Variants in ADGRL3 observed in about 807,000 individuals in gnomAD.
ADGRL3 encodes the protein adhesion G protein-coupled receptor L3.
Under a neutral mutation model 153.5 loss-of-function variants are expected in ADGRL3, and 62 were observed. The ratio of observed to expected loss-of-function variants is 0.40; its 90% CI spans 0.33 to 0.50. The LOEUF (loss-of-function observed/expected upper bound fraction) is 0.50, where lower values mean the gene tolerates loss of function less well. ADGRL3 is among the 20% of genes least tolerant of loss of function. The pLI is 0.47. For missense variants in ADGRL3, 1,641 were observed against 1,859.4 expected (o/e 0.88, Z 2.16); for synonymous variants, 710 against 672.5 (o/e 1.06, Z -0.86).
At chr4:61,594,640 CT>C (rs2098981887) in intron 5 of ADGRL3, among the ~76,000 whole-genome samples, 1 of 152,152 alleles carries the variant, frequency 6.6e-6, no homozygotes, top group Admixed American at 6.5e-5. Flanking sequence ...TGCTGAGCCA[CT>C]TGGAACAGGG....
At position 61,653,008 on chromosome 4, in the gene ADGRL3, A is replaced by G. The variant is rs116225997; in HGVS notation, c.474-23818A>G. ...TGATATGTTGAAACACTAAACCCCA[A>G]TGTAACTGTTTTGGATGAAATGAGT... On this transcript the variant is annotated intron_variant, in intron 5 of 26. Transcript: ENST00000683033. 5.2e-3 allele frequency among the ~76,000 whole-genome samples: 797 copies of G among 151,992 alleles called. 4 individuals are homozygous for G. Among genetic ancestry groups the G allele is most frequent in the South Asian group, 0.016 (76 of 4,802 alleles).
chr4:61,953,947 A>G lies in ADGRL3; in HGVS notation c.2805+5671A>G, dbSNP rs375629203. ...TAGCATATTTTACTGTTTTCTCCTC[A>G]TCTGCTTGACCTCTCATTGTCATTC... On this transcript the variant is annotated intron_variant, in intron 17 of 26. Coordinates refer to ENST00000683033, the MANE Select transcript of ADGRL3 (RefSeq NM_001387552.1). Among the ~76,000 whole-genome samples, 180 of 152,058 alleles carry G rather than the reference A, an allele frequency of 1.2e-3. 1 individual carries two copies. Among genetic ancestry groups the G allele is most frequent in the African/African-American group, 4.2e-3 (174 of 41,472 alleles).
At chr4:61,413,824 T>G (rs145813090) in intron 2 of ADGRL3, among the ~76,000 whole-genome samples, 1 of 152,302 alleles carries the variant, frequency 6.6e-6, no homozygotes, top group Non-Finnish European at 1.5e-5. Context: ...GTTCCATGAA[T>G]CCACATTGTT....
At chr4:61,765,087 G>A (rs1212878951) in intron 8 of ADGRL3, among the ~76,000 whole-genome samples, 1 of 152,110 alleles carries the variant, frequency 6.6e-6, no homozygotes, top group Admixed American at 6.5e-5. Context: ...TGCCAGCAAA[G>A]ATTATGTATT....
chr4:61,691,621 G>T (rs1179056656), intron 6 of ADGRL3, among the ~76,000 whole-genome samples: 2 of 152,104 alleles, frequency 1.3e-5, no homozygotes, highest in Non-Finnish European at 2.9e-5. Flanking sequence ...CACAAGTAGT[G>T]CTTGATAAAA....
At chr4:61,434,098 G>A (rs1354710636) in intron 2 of ADGRL3, among the ~76,000 whole-genome samples, 1 of 152,116 alleles carries the variant, frequency 6.6e-6, no homozygotes, top group Non-Finnish European at 1.5e-5. Flanking sequence ...GTTAAGGGTA[G>A]CAATTAGTTC....
intron 1 of ADGRL3, among the ~76,000 whole-genome samples, chr4:61,352,364 G>T (rs187904507): frequency 5.9e-5 from 9 of 151,522 alleles, no homozygotes; most frequent in Admixed American, 2.0e-4. Flanking sequence ...AAATGCTATT[G>T]TACACTGAAT....
chr4:61,478,794 A>T (rs1302760209), intron 2 of ADGRL3, among the ~76,000 whole-genome samples: 1 of 152,068 alleles, frequency 6.6e-6, no homozygotes, highest in African/African-American at 2.4e-5. Flanking sequence ...TATCAAAAAA[A>T]TTTTTAGGTA....
At chr4:61,208,979 T>A (rs1333615421) in intron 1 of ADGRL3, among the ~76,000 whole-genome samples, 1 of 152,114 alleles carries the variant, frequency 6.6e-6, no homozygotes, top group Non-Finnish European at 1.5e-5. Context: ...CTTTACTAGA[T>A]ACTAAAGTTT....
intron 4 of ADGRL3, among the ~76,000 whole-genome samples, chr4:61,571,098 T>C (rs1177655095): frequency 6.6e-6 from 1 of 151,824 alleles, no homozygotes; most frequent in Non-Finnish European, 1.5e-5. Context: ...GAGATGATCT[T>C]AGGGGAAAGA....
At chr4:61,972,026 T>A (rs2150677527) in intron 17 of ADGRL3, among the ~76,000 whole-genome samples, 1 of 152,156 alleles carries the variant, frequency 6.6e-6, no homozygotes, top group Non-Finnish European at 1.5e-5. Context: ...CTTGTAAATT[T>A]GTTTGAGTTC....
At chr4:61,360,877 C>G (rs770723928) in intron 1 of ADGRL3, among the ~76,000 whole-genome samples, 5 of 152,126 alleles carry the variant, frequency 3.3e-5, no homozygotes, top group Non-Finnish European at 7.4e-5. Context: ...ATTTATGTAT[C>G]ACATTCTTTA....
intron 3 of ADGRL3, among the ~76,000 whole-genome samples, chr4:61,509,475 A>G (rs1301948711): frequency 3.3e-5 from 5 of 152,106 alleles, no homozygotes; most frequent in Non-Finnish European, 7.4e-5. Flanking sequence ...GCTTCCACTT[A>G]TAAGTCTATG....
chr4:61,805,013 T>A (rs1221924442), intron 8 of ADGRL3, among the ~76,000 whole-genome samples: 3 of 151,404 alleles, frequency 2.0e-5, no homozygotes, highest in Non-Finnish European at 4.4e-5. Flanking sequence ...TGGAGTGCAG[T>A]GGGGCGATCT....
chr4:61,582,215 T>C (rs1446953752), intron 4 of ADGRL3, among the ~76,000 whole-genome samples: 1 of 152,038 alleles, frequency 6.6e-6, no homozygotes, highest in African/African-American at 2.4e-5. Context: ...CTGGGATACA[T>C]GTGCAGGACA....
chr4:61,785,851 T>C (rs2097270132), intron 8 of ADGRL3, among the ~76,000 whole-genome samples: 1 of 152,156 alleles, frequency 6.6e-6, no homozygotes, highest in Non-Finnish European at 1.5e-5. Flanking sequence ...GTAAAAACTT[T>C]GGTTAGGAAG....
intron 4 of ADGRL3, among the ~76,000 whole-genome samples, chr4:61,581,227 G>GGAGTCAC (rs2098923628): frequency 1.3e-5 from 2 of 151,856 alleles, no homozygotes; most frequent in Non-Finnish European, 2.9e-5. Context: ...TCCCTTTATG[G>GGAGTCAC]GAGTCACCTT....
chr4:61,979,411 A>G (rs984436708), intron 17 of ADGRL3, among the ~76,000 whole-genome samples, 152 bp from the exon 18 acceptor site: 1 of 152,206 alleles, frequency 6.6e-6, no homozygotes, highest in African/African-American at 2.4e-5. Flanking sequence ...TGTGGAAGAG[A>G]AAACCCAAAT....
At chr4:61,491,569 G>T (rs1477588383) in intron 2 of ADGRL3, among the ~76,000 whole-genome samples, 2 of 152,020 alleles carry the variant, frequency 1.3e-5, no homozygotes, top group Non-Finnish European at 2.9e-5. Context: ...ATTCTTCTTT[G>T]TAATTTATAT....
Sources: gnomAD v4.1 joint callset for allele counts (sites outside exome capture counted in the v4.1 genomes callset) on GRCh38, gnomAD v4.1.1 for gene constraint, MANE v1.5 for transcripts, NCBI Gene and HGNC (gene_info 2026-07-23, HGNC 2026-07-21) for gene names.